ADCY2: variants seen among roughly 807,000 people sequenced by gnomAD.
ADCY2 encodes adenylate cyclase type 2.
A neutral mutation model predicts 125.2 loss-of-function variants in ADCY2; 31 were observed. The observed-to-expected ratio is 0.25, with a 90% confidence interval of 0.19 to 0.33. ADCY2 has a LOEUF of 0.33. Ranked by LOEUF, ADCY2 falls within the 10% of genes least tolerant of loss-of-function variation. The pLI, the probability that ADCY2 is intolerant of heterozygous loss-of-function variation, is 1.00. For missense variants in ADCY2, 904 were observed against 1,418.2 expected (o/e 0.64, Z 5.82); for synonymous variants, 512 against 548.4 (o/e 0.93, Z 0.93).
intron 4 of ADCY2, among the ~76,000 whole-genome samples, chr5:7,671,372 T>C (rs2126704394): frequency 6.6e-6 from 1 of 152,256 alleles, no homozygotes; most frequent in African/African-American, 2.4e-5. Flanking sequence ...CAAAATTCAG[T>C]AAAAAAACAA....
chr5:7,689,518 C>T (rs1013138262), intron 4 of ADCY2, among the ~76,000 whole-genome samples: 2 of 152,156 alleles, frequency 1.3e-5, no homozygotes, highest in African/African-American at 4.8e-5. Flanking sequence ...TTGCCCTTGT[C>T]TTTCCATGGA....
intron 4 of ADCY2, among the ~76,000 whole-genome samples, chr5:7,635,180 T>A (rs1738452412): frequency 6.6e-6 from 1 of 152,110 alleles, no homozygotes; most frequent in African/African-American, 2.4e-5. Flanking sequence ...GAGTGGGAAG[T>A]CACTGAAGGG....
At chr5:7,408,471 G>A (rs1739587425) in intron 1 of ADCY2, among the ~76,000 whole-genome samples, 1 of 151,838 alleles carries the variant, frequency 6.6e-6, no homozygotes, top group Middle Eastern at 3.5e-3. Flanking sequence ...GAGTTCAAGC[G>A]ATTCTGTTGC....
intron 2 of ADCY2, among the ~76,000 whole-genome samples, chr5:7,470,161 T>C (rs1173499968): frequency 6.6e-6 from 1 of 151,854 alleles, no homozygotes; most frequent in Non-Finnish European, 1.5e-5. Flanking sequence ...TATCATCTTA[T>C]TGGTTTGCCT....
At chr5:7,458,015 A>C (rs1314790317) in intron 2 of ADCY2, among the ~76,000 whole-genome samples, 1 of 152,182 alleles carries the variant, frequency 6.6e-6, no homozygotes, top group East Asian at 1.9e-4. Context: ...ATGATTTCTC[A>C]AATGTATTAT....
intron 2 of ADCY2, among the ~76,000 whole-genome samples, chr5:7,416,383 A>G (rs6555463): frequency 0.32 from 48,365 of 151,998 alleles, 8,472 homozygotes; most frequent in African/African-American, 0.45. Context: ...CGCGGCCCCC[A>G]TGCTCTGTCT....
In ADCY2 at chr5:7,718,241, C is replaced by T. The variant is rs538807777; in HGVS notation, c.1703+1004C>T. On this transcript the variant is annotated intron_variant, in intron 12 of 24. Coordinates refer to ENST00000338316, the MANE Select transcript of ADCY2 (RefSeq NM_020546.3). ...TTGGCTCACTGCAAGCTCCACCTCC[C>T]GGGTTCACGCCGTTCTCCTGCCTCA... Among the ~76,000 whole-genome samples, 14 of 150,652 alleles carry T rather than the reference C, an allele frequency of 9.3e-5. No homozygotes were observed. In the East Asian group the frequency reaches 1.4e-3, roughly 15 times the overall value.
intron 22 of ADCY2, among the ~76,000 whole-genome samples, chr5:7,809,788 G>A (rs1744875657): frequency 6.6e-6 from 1 of 152,180 alleles, no homozygotes; most frequent in Non-Finnish European, 1.5e-5. Context: ...TGCCTCATTT[G>A]TACTTTTTAA....
At chr5:7,632,886 T>C (rs1476685974) in intron 4 of ADCY2, among the ~76,000 whole-genome samples, 1 of 152,124 alleles carries the variant, frequency 6.6e-6, no homozygotes, top group Non-Finnish European at 1.5e-5. Flanking sequence ...TTCTGAGAAG[T>C]CCTTTAGTTA....
At chr5:7,435,705 A>C (rs1222534912) in intron 2 of ADCY2, among the ~76,000 whole-genome samples, 1 of 152,228 alleles carries the variant, frequency 6.6e-6, no homozygotes, top group Non-Finnish European at 1.5e-5. Flanking sequence ...CTCTATTTTG[A>C]GTATAGGACA....
Position 7,802,107 on chromosome 5 carries a change from A to G in ADCY2, c.2629-111A>G. ...CTGGGGTGGGGCAAGTGGAGTAGGCATTTGGGCGATGTCTGTGTGAATCCT... is the reference window on the plus strand; with the variant it reads ...CTGGGGTGGGGCAAGTGGAGTAGGCGTTTGGGCGATGTCTGTGTGAATCCT... On this transcript the variant is annotated intron_variant, in intron 20 of 24. Transcript: ENST00000338316. This position sits in a 1 kb window ranked among gnomAD's most constrained non-coding sequence, Gnocchi z 4.6. 7.7e-7 allele frequency: 1 copy of G among 1,294,898 alleles called. No homozygotes were observed. The highest frequency in any genetic ancestry group is 2.3e-5 in the East Asian group (1 of 42,734). 80.2% of individuals were successfully genotyped at this position (1,294,898 alleles called of 1,614,324 possible).
At chr5:7,701,917 G>C (rs1049181339) in intron 7 of ADCY2, among the ~76,000 whole-genome samples, 4 of 152,108 alleles carry the variant, frequency 2.6e-5, no homozygotes, top group African/African-American at 9.7e-5. Flanking sequence ...TATCTTATGT[G>C]TGCAGAATCT....
At chr5:7,424,666 C>T (rs975803649) in intron 2 of ADCY2, among the ~76,000 whole-genome samples, 9 of 152,170 alleles carry the variant, frequency 5.9e-5, no homozygotes, top group Non-Finnish European at 1.0e-4. Flanking sequence ...GTCACTGTTT[C>T]GAATTGCCAG....
chr5:7,666,312 A>G (rs530928737), intron 4 of ADCY2, among the ~76,000 whole-genome samples: 1 of 151,912 alleles, frequency 6.6e-6, no homozygotes, highest in Non-Finnish European at 1.5e-5. Context: ...TTTGTCACCC[A>G]GGCTGGAGTG....
At chr5:7,760,706 G>C (rs925979976) in intron 16 of ADCY2, among the ~76,000 whole-genome samples, 1 of 152,158 alleles carries the variant, frequency 6.6e-6, no homozygotes. Context: ...GATTACTGCA[G>C]GCAAGCAATT....
At chr5:7,493,239 G>A (rs970702182) in intron 2 of ADCY2, among the ~76,000 whole-genome samples, 1 of 152,150 alleles carries the variant, frequency 6.6e-6, no homozygotes, top group Non-Finnish European at 1.5e-5. Flanking sequence ...GAAAGCCTGG[G>A]TCCATCTCTC....
At chr5:7,479,135 T>A (rs879472036) in intron 2 of ADCY2, among the ~76,000 whole-genome samples, 7 of 152,074 alleles carry the variant, frequency 4.6e-5, no homozygotes, top group Non-Finnish European at 8.8e-5. Flanking sequence ...ATTCATGAAT[T>A]ATAGTTCATG....
intron 4 of ADCY2, among the ~76,000 whole-genome samples, chr5:7,653,017 G>A (rs995100837): frequency 1.3e-5 from 2 of 152,222 alleles, no homozygotes; most frequent in African/African-American, 2.4e-5. Context: ...ATGATGCTGA[G>A]TTGTTTCCAT....
Position 7,699,081 on chromosome 5 carries a change from A to ATTTTTTTTTTTTTTT in ADCY2, c.1109+727_1109+741dup, listed in dbSNP as rs561359357. Among the ~76,000 whole-genome samples the ATTTTTTTTTTTTTTT allele has an allele frequency of 2.1e-4, 8 of 37,968 alleles. 1 individual carries two copies. Among genetic ancestry groups the ATTTTTTTTTTTTTTT allele is most frequent in the African/African-American group, 2.7e-4 (3 of 11,100 alleles). The allele number at this position is 37,968 out of a possible 152,430, so 24.9% of individuals were successfully genotyped here. A position where few individuals can be genotyped will look rare whatever the true frequency, so the allele number is the denominator to read the frequency against. The stretch of plus-strand genomic sequence containing the variant: ...CCTGAGTCAGGAAACAACAGTAAGC[A>ATTTTTTTTTTTTTTT]TTTTTTTTTTTTTTTTTTTTTTTTT... On this transcript the variant is annotated intron_variant, in intron 7 of 24. Coordinates refer to ENST00000338316, the MANE Select transcript of ADCY2 (RefSeq NM_020546.3).
Sources: allele counts gnomAD v4.1 joint callset (sites outside exome capture counted in the v4.1 genomes callset), GRCh38; gene constraint gnomAD v4.1.1; non-coding constraint Gnocchi (gnomAD v3.1); transcripts MANE v1.5; gene names NCBI Gene and HGNC (gene_info 2026-07-23, HGNC 2026-07-21).